Variants in CTNND2 observed in about 807,000 individuals in gnomAD.
CTNND2 encodes catenin delta-2.
A neutral mutation model predicts 144.4 loss-of-function variants in CTNND2; 22 were observed. The observed-to-expected ratio is 0.15, with a 90% CI of 0.11 to 0.22. CTNND2 has a LOEUF of 0.22. CTNND2 is among the 10% of genes least tolerant of loss of function. The pLI is 1.00. For synonymous variants in CTNND2, 751 were observed against 695.6 expected, an observed-to-expected ratio of 1.08 and a Z score of -1.25; for missense variants, 1,353 against 1,618.8, an observed-to-expected ratio of 0.84 and a Z score of 2.82.
intron 12 of CTNND2, among the ~76,000 whole-genome samples, chr5:11,139,343 C>T (rs780100723): frequency 3.3e-5 from 5 of 152,172 alleles, no homozygotes; most frequent in African/African-American, 7.2e-5. Flanking sequence ...CAGCATACTG[C>T]GTGTTAGAGT....
intron 10 of CTNND2, among the ~76,000 whole-genome samples, chr5:11,216,837 A>G (rs574834703): frequency 9.2e-4 from 140 of 152,260 alleles, no homozygotes; most frequent in African/African-American, 3.2e-3. Flanking sequence ...TGCTGTGCCC[A>G]CTCATTCCCA....
chr5:11,005,388 G>C (rs1244722003), intron 18 of CTNND2, among the ~76,000 whole-genome samples: 2 of 152,180 alleles, frequency 1.3e-5, no homozygotes, highest in African/African-American at 2.4e-5. Flanking sequence ...GTCAGATCGG[G>C]ATTTTTAAAA....
chr5:11,625,389 A>ATCTCTCTCTCTCTCTCTCTCTC (rs57148533), intron 2 of CTNND2, among the ~76,000 whole-genome samples: 10 of 140,486 alleles, frequency 7.1e-5, no homozygotes, highest in African/African-American at 2.6e-4. Context: ...AAACAGAAAA[A>ATCTCTCTCTCTCTCTCTCTCTC]TCTCTCTCTC....
intron 12 of CTNND2, among the ~76,000 whole-genome samples, chr5:11,132,653 T>C (rs573946771): frequency 1.3e-5 from 2 of 152,324 alleles, no homozygotes; most frequent in African/African-American, 4.8e-5. Context: ...TATTTCACTA[T>C]GGCAGGCCAG....
chr5:11,774,550 T>TTAA (rs1554118993), intron 1 of CTNND2, among the ~76,000 whole-genome samples: 8 of 24,330 alleles, frequency 3.3e-4, no homozygotes, highest in Non-Finnish European at 1.6e-3. Context: ...TAAAGTATAA[T>TTAA]AAAAAAAAAT....
intron 9 of CTNND2, among the ~76,000 whole-genome samples, chr5:11,310,679 C>T (rs972164723): frequency 1.3e-5 from 2 of 151,772 alleles, no homozygotes; most frequent in African/African-American, 4.9e-5. Context: ...CTTTCCCCAG[C>T]GGCATCTCAG....
At chr5:11,386,849 A>G (rs1759134977) in intron 6 of CTNND2, among the ~76,000 whole-genome samples, 1 of 152,102 alleles carries the variant, frequency 6.6e-6, no homozygotes, top group African/African-American at 2.4e-5. Context: ...AGGGTCTTAT[A>G]TGTGGAGGAT....
At chr5:11,521,270 C>T (rs944049635) in intron 3 of CTNND2, among the ~76,000 whole-genome samples, 3 of 152,296 alleles carry the variant, frequency 2.0e-5, no homozygotes, top group African/African-American at 7.2e-5. Context: ...CAAAAACATC[C>T]TATTGTAACA....
At chr5:11,088,876 C>A (rs1210560901) in intron 15 of CTNND2, among the ~76,000 whole-genome samples, 2 of 152,116 alleles carry the variant, frequency 1.3e-5, no homozygotes, top group African/African-American at 4.8e-5. Flanking sequence ...ATTTAGATGA[C>A]CTTACTGCAA....
intron 9 of CTNND2, among the ~76,000 whole-genome samples, chr5:11,275,785 A>G (rs773331882): frequency 5.3e-5 from 8 of 152,222 alleles, no homozygotes; most frequent in Non-Finnish European, 1.2e-4. Context: ...TCAGGATTCT[A>G]TTTTGTGCCA....
chr5:11,243,718 G>C (rs1416187784), intron 9 of CTNND2, among the ~76,000 whole-genome samples: 6 of 152,196 alleles, frequency 3.9e-5, no homozygotes, highest in Non-Finnish European at 8.8e-5. Flanking sequence ...GCTCAGCACA[G>C]CTAAACAGCC....
chr5:11,324,020 G>A (rs904396309), intron 9 of CTNND2, among the ~76,000 whole-genome samples: 9 of 152,256 alleles, frequency 5.9e-5, no homozygotes, highest in Non-Finnish European at 8.8e-5. Context: ...GAGGGAACTC[G>A]ATGGACACTC....
intron 18 of CTNND2, among the ~76,000 whole-genome samples, chr5:11,016,872 G>A (rs1741661613): frequency 6.6e-6 from 1 of 152,012 alleles, no homozygotes. Flanking sequence ...CCAGGTTCAA[G>A]TGATTCTCCT....
chr5:10,975,123 T>C (rs1736287383), intron 21 of CTNND2, among the ~76,000 whole-genome samples: 1 of 152,184 alleles, frequency 6.6e-6, no homozygotes, highest in Non-Finnish European at 1.5e-5. Context: ...ACATCTGCAA[T>C]TAAATACTGC....
chr5:11,475,327 A>G (rs1767621706), intron 3 of CTNND2, among the ~76,000 whole-genome samples: 1 of 152,204 alleles, frequency 6.6e-6, no homozygotes, highest in South Asian at 2.1e-4. Flanking sequence ...AGGAGCAGTA[A>G]GTAATTAATT....
At chr5:11,540,828 G>A (rs1774662613) in intron 3 of CTNND2, among the ~76,000 whole-genome samples, 1 of 152,146 alleles carries the variant, frequency 6.6e-6, no homozygotes, top group Non-Finnish European at 1.5e-5. Context: ...CCTGATAATG[G>A]AAATAATAAG....
chr5:11,814,833 AT>A (rs1336167363), intron 1 of CTNND2, among the ~76,000 whole-genome samples: 20 of 152,350 alleles, frequency 1.3e-4, no homozygotes, highest in Middle Eastern at 3.4e-3. Context: ...TGAGACTACA[AT>A]ATAGATTGTT....
chr5:11,491,505 C>T (rs549289833), intron 3 of CTNND2, among the ~76,000 whole-genome samples: 106 of 152,286 alleles, frequency 7.0e-4, no homozygotes, highest in African/African-American at 2.5e-3. Context: ...GGTCCCAGCA[C>T]TAGGAAGGGG....
intron 10 of CTNND2, among the ~76,000 whole-genome samples, chr5:11,209,396 G>A (rs985365747): frequency 2.0e-5 from 3 of 152,192 alleles, no homozygotes; most frequent in African/African-American, 7.2e-5. Flanking sequence ...ATAGAGCCCA[G>A]TGTACTTAGG....
Sources: gnomAD v4.1 joint callset for allele counts (sites outside exome capture counted in the v4.1 genomes callset) on GRCh38, gnomAD v4.1.1 for gene constraint, MANE v1.5 for transcripts, NCBI Gene and HGNC (gene_info 2026-07-23, HGNC 2026-07-21) for gene names.